Variants in THSD4 observed in about 807,000 individuals in gnomAD.
THSD4 encodes thrombospondin type-1 domain-containing protein 4.
A neutral mutation model predicts 119.0 loss-of-function variants in THSD4; 69 were observed. The observed-to-expected ratio is 0.58, with a 90% CI of 0.48 to 0.71. THSD4 has a LOEUF of 0.71. Among genes scored for constraint, THSD4 ranks in the 30% least tolerant of loss-of-function variants. The pLI is 0.00. For synonymous variants in THSD4, 524 were observed against 540.4 expected (o/e 0.97, Z 0.42); for missense variants, 1,393 against 1,391.1 (o/e 1.00, Z -0.02).
At chr15:71,668,346 T>C (rs1345747900) in intron 8 of THSD4, among the ~76,000 whole-genome samples, 1 of 152,094 alleles carries the variant, frequency 6.6e-6, no homozygotes, top group African/African-American at 2.4e-5. Flanking sequence ...TGGGAGGATG[T>C]TCACTAGCAG....
intron 6 of THSD4, among the ~76,000 whole-genome samples, chr15:71,342,069 G>A (rs2045585683): frequency 1.3e-5 from 2 of 152,052 alleles, no homozygotes; most frequent in African/African-American, 4.8e-5. Context: ...TAGAATAAGT[G>A]GATTGATGGG....
chr15:71,582,782 G>A (rs542622510), intron 7 of THSD4, among the ~76,000 whole-genome samples: 6 of 152,186 alleles, frequency 3.9e-5, no homozygotes, highest in Admixed American at 1.3e-4. Context: ...GGTATATCAC[G>A]TCTTGATTTG....
chr15:71,246,011 C>T (rs919559126), intron 5 of THSD4, among the ~76,000 whole-genome samples: 1 of 152,100 alleles, frequency 6.6e-6, no homozygotes, highest in African/African-American at 2.4e-5. Context: ...CCCCAGTGTC[C>T]AGCATCAAGA....
At chr15:71,395,914 GACACACAC>G (rs58433075) in intron 6 of THSD4, among the ~76,000 whole-genome samples, 35 of 133,380 alleles carry the variant, frequency 2.6e-4, no homozygotes, top group African/African-American at 4.0e-4. Flanking sequence ...TTTGAAGAGA[GACACACAC>G]ACACACACAC....
intron 3 of THSD4, 84 bp downstream of exon 3, chr15:71,155,016 T>G: frequency 1.5e-6 from 2 of 1,306,504 alleles, no homozygotes. Flanking sequence ...TTGTTCTGTT[T>G]GAAGGTGAGT....
intron 4 of THSD4, among the ~76,000 whole-genome samples, chr15:71,225,821 G>A (rs1427719937): frequency 6.6e-6 from 1 of 152,062 alleles, no homozygotes; most frequent in Admixed American, 6.5e-5. Flanking sequence ...GATTACAGGC[G>A]TGAGCTACCG....
chr15:71,536,722 G>A (rs1051379290), intron 7 of THSD4, among the ~76,000 whole-genome samples: 2 of 152,050 alleles, frequency 1.3e-5, no homozygotes, highest in Non-Finnish European at 2.9e-5. Flanking sequence ...TCTCTTAGCA[G>A]TTTCCAAGTA....
intron 6 of THSD4, among the ~76,000 whole-genome samples, chr15:71,334,218 A>G (rs1272540562): frequency 6.6e-6 from 1 of 152,226 alleles, no homozygotes; most frequent in Non-Finnish European, 1.5e-5. Flanking sequence ...TAGCCAAGGC[A>G]TATTTTTGTG....
chr15:71,123,665 AC>A (rs755556092), intron 1 of THSD4, among the ~76,000 whole-genome samples: 1 of 152,212 alleles, frequency 6.6e-6, no homozygotes, highest in Non-Finnish European at 1.5e-5. Context: ...GGGGACCCAG[AC>A]AGGCATCAGA....
intron 4 of THSD4, among the ~76,000 whole-genome samples, chr15:71,226,036 G>A (rs1315943214): frequency 1.3e-5 from 2 of 151,754 alleles, no homozygotes; most frequent in South Asian, 2.1e-4. Context: ...TCACTATTTC[G>A]TGCCTTGTAG....
At position 71,433,302 on chromosome 15, in the gene THSD4, G is replaced by T. The variant is rs77724003; in HGVS notation, c.1152+21479G>T. ...ATTATTTAACATAACATGACTTTAA[G>T]ATTTTAAATTACTGAAAAGATTTTT... On this transcript the variant is annotated intron_variant, in intron 7 of 17. Transcript: ENST00000261862. Among the ~76,000 whole-genome samples, 68 of 151,016 alleles carry T rather than the reference G, an allele frequency of 4.5e-4. 2 individuals are homozygous for T. In the East Asian group the frequency reaches 0.013, roughly 29 times the overall value.
chr15:71,388,422 C>T (rs981791116), intron 6 of THSD4, among the ~76,000 whole-genome samples: 4 of 152,164 alleles, frequency 2.6e-5, no homozygotes, highest in South Asian at 2.1e-4. Context: ...GTAATGTCAT[C>T]TTCATTTCCA....
At chr15:71,685,222 G>T (rs1232834730) in intron 8 of THSD4, among the ~76,000 whole-genome samples, 1 of 150,562 alleles carries the variant, frequency 6.6e-6, no homozygotes, top group Non-Finnish European at 1.5e-5. Context: ...AGAAATAAGA[G>T]TATTTAAATT....
chr15:71,123,544 G>A (rs2040426502), intron 1 of THSD4, among the ~76,000 whole-genome samples: 1 of 152,204 alleles, frequency 6.6e-6, no homozygotes, highest in Non-Finnish European at 1.5e-5. Flanking sequence ...GATGAAGAAG[G>A]TGTATTCTTG....
chr15:71,567,751 C>G (rs560415461), intron 7 of THSD4, among the ~76,000 whole-genome samples: 37 of 151,216 alleles, frequency 2.4e-4, no homozygotes, highest in African/African-American at 8.5e-4. Context: ...GAAGCCAGAA[C>G]AGCTGGAGAG....
chr15:71,422,084 C>T (rs1270095561), intron 7 of THSD4, among the ~76,000 whole-genome samples: 2 of 152,148 alleles, frequency 1.3e-5, no homozygotes, highest in African/African-American at 4.8e-5. Flanking sequence ...GCTGAGTTTC[C>T]TCAAGACAGC....
chr15:71,432,526 T>A (rs1304973159), intron 7 of THSD4, among the ~76,000 whole-genome samples: 1 of 7,424 alleles, frequency 1.3e-4, no homozygotes, highest in Non-Finnish European at 5.7e-4. Context: ...CCTCCCTTCT[T>A]TTTTTTTTTT....
rs563850948 is a variant in THSD4 at position 71,469,642 on chromosome 15, C to A, written c.1152+57819C>A. On this transcript the variant is annotated intron_variant, in intron 7 of 17. Transcript: ENST00000261862. ...TAGCCGGATATGTGTTCAACTTAGG[C>A]TCAACACATCTGCATCAAATATATC... Among the ~76,000 whole-genome samples the A allele has an allele frequency of 2.6e-5, 4 of 152,258 alleles. No individual in the cohort carries two copies. The East Asian group carries it at 7.8e-4, about 30-fold the overall frequency.
At chr15:71,751,786 G>T (rs886539726) in intron 14 of THSD4, among the ~76,000 whole-genome samples, 2 of 152,020 alleles carry the variant, frequency 1.3e-5, no homozygotes, top group Non-Finnish European at 2.9e-5. Context: ...TCCCTCCTCA[G>T]CCTCCTGAGT....
Sources: gnomAD v4.1 joint callset for allele counts (sites outside exome capture counted in the v4.1 genomes callset) on GRCh38, gnomAD v4.1.1 for gene constraint, MANE v1.5 for transcripts, NCBI Gene and HGNC (gene_info 2026-07-23, HGNC 2026-07-21) for gene names.